STK24: variants seen among roughly 807,000 people sequenced by gnomAD.
STK24 encodes serine/threonine-protein kinase 24.
A neutral mutation model predicts 55.6 loss-of-function variants in STK24; 21 were observed. The ratio of observed to expected loss-of-function variants is 0.38; its 90% confidence interval spans 0.27 to 0.54. The LOEUF (loss-of-function observed/expected upper bound fraction) is 0.54, where lower values mean the gene tolerates loss of function less well. STK24 is among the 20% of genes least tolerant of loss of function. STK24 has a pLI of 0.79. For synonymous variants in STK24, 200 were observed against 215.2 expected (o/e 0.93, Z 0.62); for missense variants, 383 against 538.4 (o/e 0.71, Z 2.86).
intron 1 of STK24, among the ~76,000 whole-genome samples, chr13:98,523,398 C>G (rs1896327245): frequency 6.6e-6 from 1 of 152,232 alleles, no homozygotes; most frequent in Non-Finnish European, 1.5e-5. Context: ...AATCCCACCT[C>G]TCTGGGTCCA....
At position 98,448,520 on chromosome 13, in the gene STK24, C is replaced by T. The variant is rs1893006491; in HGVS notation, c.*4653G>A. Reference sequence around the variant, plus strand: ...ACAGCGCTCCCACCTCCAGTCCTGGCATCCGCTGGGGGCGCTGTTCTTTAG... The same window carrying T: ...ACAGCGCTCCCACCTCCAGTCCTGGTATCCGCTGGGGGCGCTGTTCTTTAG... On this transcript the variant is annotated 3_prime_UTR_variant, in exon 11 of 11. Coordinates refer to ENST00000539966, the MANE Select transcript of STK24 (RefSeq NM_001032296.4). 2 of 577,194 alleles carry T rather than the reference C, an allele frequency of 3.5e-6. No homozygotes were observed. Among genetic ancestry groups the T allele is most frequent in the Non-Finnish European group, 3.1e-6 (1 of 323,162 alleles). The allele number at this position is 577,194 out of a possible 1,614,324, so 35.8% of individuals were successfully genotyped here.
rs549445085 is a variant in STK24 at position 98,519,542 on chromosome 13, T to C, written c.43-69A>G. 369 of 1,222,188 alleles carry C rather than the reference T, an allele frequency of 3.0e-4. 3 individuals are homozygous for C. Among genetic ancestry groups the C allele is most frequent in the South Asian group, 2.6e-3 (209 of 79,416 alleles). 75.7% of individuals were successfully genotyped at this position (1,222,188 alleles called of 1,614,324 possible). ...AGCACCACAACTCCTTTGTCAATTT[T>C]ATGTGTAATGTTATAGACCACACTG... On this transcript the variant is annotated intron_variant, in intron 1 of 10. Coordinates refer to ENST00000539966, the MANE Select transcript of STK24 (RefSeq NM_001032296.4).
At chr13:98,558,066 A>G (rs1467898262) in intron 1 of STK24, among the ~76,000 whole-genome samples, 2 of 152,040 alleles carry the variant, frequency 1.3e-5, no homozygotes, top group Non-Finnish European at 2.9e-5. Flanking sequence ...ATTTTTTCCC[A>G]TTGAAATGTA....
intron 1 of STK24, among the ~76,000 whole-genome samples, chr13:98,555,332 A>G (rs1897260250): frequency 6.6e-6 from 1 of 152,156 alleles, no homozygotes; most frequent in Admixed American, 6.5e-5. Flanking sequence ...CTGTAATCCC[A>G]GCTCTTTGGG....
chr13:98,551,405 T>C (rs1897157164), intron 1 of STK24, among the ~76,000 whole-genome samples: 2 of 151,856 alleles, frequency 1.3e-5, no homozygotes, highest in Admixed American at 6.6e-5. Context: ...TATTCTGAGT[T>C]ATCTAATCCA....
intron 1 of STK24, among the ~76,000 whole-genome samples, chr13:98,520,447 C>T (rs1173033196): frequency 3.3e-5 from 5 of 152,202 alleles, no homozygotes; most frequent in East Asian, 1.9e-4. Flanking sequence ...AGGAACAGAA[C>T]GCCAGGCCAA....
chr13:98,568,154 G>A (rs528708746), intron 1 of STK24, among the ~76,000 whole-genome samples: 48 of 152,176 alleles, frequency 3.2e-4, no homozygotes, highest in African/African-American at 1.1e-3. Flanking sequence ...GTATCATCAC[G>A]CCTGGCTAAT....
At chr13:98,473,659 G>C (rs1159418721) in intron 5 of STK24, among the ~76,000 whole-genome samples, 1 of 152,182 alleles carries the variant, frequency 6.6e-6, no homozygotes, top group Non-Finnish European at 1.5e-5. Context: ...GTGGGTATGT[G>C]GGGGGTGGGG....
chr13:98,488,088 G>A (rs1393841402), intron 2 of STK24, among the ~76,000 whole-genome samples: 2 of 151,654 alleles, frequency 1.3e-5, no homozygotes, highest in Non-Finnish European at 2.9e-5. Flanking sequence ...CTTTAAAGAG[G>A]TGACTGAGTT....
intron 2 of STK24, among the ~76,000 whole-genome samples, chr13:98,504,341 T>C (rs1339031604): frequency 3.3e-5 from 5 of 152,224 alleles, no homozygotes; most frequent in Non-Finnish European, 5.9e-5. Context: ...TGCAATCCAT[T>C]TTCCAGTCTG....
At chr13:98,457,386 G>T in intron 9 of STK24, 82 bp from the exon 10 acceptor site, 1 of 1,600,386 alleles carries the variant, frequency 6.2e-7, no homozygotes, top group East Asian at 2.2e-5. Flanking sequence ...GAACAACACG[G>T]CGTGTGGACC....
At chr13:98,555,142 C>G (rs1430130531) in intron 1 of STK24, among the ~76,000 whole-genome samples, 1 of 152,174 alleles carries the variant, frequency 6.6e-6, no homozygotes, top group African/African-American at 2.4e-5. Context: ...AACCTAGCCA[C>G]CATCATAGCT....
chr13:98,545,299 C>T (rs1459501800), intron 1 of STK24, among the ~76,000 whole-genome samples: 3 of 152,176 alleles, frequency 2.0e-5, no homozygotes, highest in Admixed American at 2.0e-4. Context: ...AGGCATATTT[C>T]GGGAAAAGCA....
chr13:98,466,850 C>A (rs755390658), intron 5 of STK24, among the ~76,000 whole-genome samples: 1 of 151,812 alleles, frequency 6.6e-6, no homozygotes, highest in South Asian at 2.1e-4. Flanking sequence ...CGGGGGCCAG[C>A]AGGACCAGTA....
Position 98,554,228 on chromosome 13 carries a change from A to G in STK24, c.42+22517T>C, listed in dbSNP as rs1897231977. On this transcript the variant is annotated intron_variant, in intron 1 of 10. Coordinates refer to ENST00000539966, the MANE Select transcript of STK24 (RefSeq NM_001032296.4). ...AACTGAAATACAAGGCTGTGAAAAA[A>G]TAACAACAAACGTCCTCATTATTCC... 3.3e-5 allele frequency among the ~76,000 whole-genome samples: 5 copies of G among 152,184 alleles called. No individual in the cohort carries two copies. In the South Asian group the frequency reaches 1.0e-3, roughly 31 times the overall value.
chr13:98,545,636 A>T (rs78102649), intron 1 of STK24, among the ~76,000 whole-genome samples: 1 of 45,654 alleles, frequency 2.2e-5, no homozygotes, highest in South Asian at 8.2e-4. Context: ...TCCATCTCAA[A>T]AAAAAAAAAA....
At chr13:98,569,841 CCT>C (rs1443203874) in intron 1 of STK24, among the ~76,000 whole-genome samples, 83 of 100,688 alleles carry the variant, frequency 8.2e-4, no homozygotes, top group African/African-American at 2.9e-3. Context: ...ATAGACAATG[CCT>C]GAAACCAGGA....
At chr13:98,496,408 G>A (rs188940586) in intron 2 of STK24, among the ~76,000 whole-genome samples, 2 of 152,332 alleles carry the variant, frequency 1.3e-5, no homozygotes, top group African/African-American at 4.8e-5. Flanking sequence ...CACATCAAAG[G>A]AGGGCGTGAG....
chr13:98,518,662 T>A (rs1239850769), intron 2 of STK24, among the ~76,000 whole-genome samples: 2 of 152,226 alleles, frequency 1.3e-5, no homozygotes, highest in African/African-American at 4.8e-5. Context: ...AAAACATTTT[T>A]AATACTATTC....
Sources: gnomAD v4.1 joint callset for allele counts (sites outside exome capture counted in the v4.1 genomes callset) on GRCh38, gnomAD v4.1.1 for gene constraint, MANE v1.5 for transcripts, NCBI Gene and HGNC (gene_info 2026-07-23, HGNC 2026-07-21) for gene names.